Variants in NRXN1 observed in about 807,000 individuals in gnomAD.
NRXN1 encodes the protein neurexin-1.
NRXN1 carries 39 observed loss-of-function variants against 150.9 expected under a neutral mutation model. The ratio of observed to expected loss-of-function variants is 0.26; its 90% CI spans 0.20 to 0.34. NRXN1 has a LOEUF of 0.34. Ranked by LOEUF, NRXN1 falls within the 10% of genes least tolerant of loss-of-function variation. The probability of loss-of-function intolerance (pLI) is 1.00; values close to 1 mark genes in which losing one functional copy is unlikely to be tolerated. For synonymous variants in NRXN1, 924 were observed against 757.0 expected, an observed-to-expected ratio of 1.22 and a Z score of -3.62; for missense variants, 1,815 against 1,949.9, an observed-to-expected ratio of 0.93 and a Z score of 1.30.
chr2:50,985,982 T>G (rs1575132454), intron 2 of NRXN1, among the ~76,000 whole-genome samples: 1 of 151,444 alleles, frequency 6.6e-6, no homozygotes, highest in African/African-American at 2.4e-5. Context: ...ACAGAGAAAT[T>G]ACAGAGAAAA....
chr2:50,845,849 A>G (rs925337179), intron 5 of NRXN1, among the ~76,000 whole-genome samples: 3 of 152,074 alleles, frequency 2.0e-5, no homozygotes, highest in Admixed American at 1.3e-4. Flanking sequence ...GAATTTTTAT[A>G]TTTTCTGAGG....
intron 5 of NRXN1, among the ~76,000 whole-genome samples, chr2:50,888,955 G>T (rs544656963): frequency 2.6e-5 from 4 of 151,648 alleles, no homozygotes; most frequent in African/African-American, 9.6e-5. Flanking sequence ...AAATATCCTT[G>T]TTGTTTGGAA....
chr2:50,370,564 C>A (rs77746457), intron 17 of NRXN1, among the ~76,000 whole-genome samples: 5,041 of 151,984 alleles, frequency 0.033, 216 homozygotes, highest in East Asian at 0.12. Context: ...CTAGTAAATA[C>A]CTTGAGGGTT....
intron 2 of NRXN1, among the ~76,000 whole-genome samples, chr2:50,988,801 G>C (rs982751154): frequency 2.6e-5 from 4 of 151,856 alleles, no homozygotes; most frequent in African/African-American, 7.2e-5. Context: ...AGCTGTATGA[G>C]GGTGCCTAAA....
At chr2:50,109,707 T>C (rs1702127324) in intron 18 of NRXN1, among the ~76,000 whole-genome samples, 1 of 152,184 alleles carries the variant, frequency 6.6e-6, no homozygotes, top group African/African-American at 2.4e-5. Context: ...AATACCCTAT[T>C]TTCACAGCTG....
intron 17 of NRXN1, among the ~76,000 whole-genome samples, chr2:50,300,166 G>A (rs1316075734): frequency 1.3e-5 from 2 of 152,130 alleles, no homozygotes; most frequent in Non-Finnish European, 2.9e-5. Flanking sequence ...ACCAGGAAAA[G>A]GTAATAATAC....
chr2:50,906,705 T>C (rs1683731718), intron 5 of NRXN1, among the ~76,000 whole-genome samples: 1 of 152,126 alleles, frequency 6.6e-6, no homozygotes, highest in South Asian at 2.1e-4. Flanking sequence ...TAATACTCAA[T>C]TGCTTGCAAC....
intron 21 of NRXN1, among the ~76,000 whole-genome samples, chr2:49,959,332 T>C (rs1675510630): frequency 6.6e-6 from 1 of 152,196 alleles, no homozygotes; most frequent in East Asian, 1.9e-4. Context: ...AACTCGAAGG[T>C]ACACTGGTTT....
At chr2:50,517,225 G>A (rs2092656288) in intron 12 of NRXN1, among the ~76,000 whole-genome samples, 1 of 152,094 alleles carries the variant, frequency 6.6e-6, no homozygotes, top group East Asian at 1.9e-4. Context: ...ACCATAATCT[G>A]ATTTATGGTA....
At chr2:50,803,938 T>C (rs1204644633) in intron 5 of NRXN1, among the ~76,000 whole-genome samples, 1 of 152,220 alleles carries the variant, frequency 6.6e-6, no homozygotes, top group Non-Finnish European at 1.5e-5. Flanking sequence ...TATACCTGTA[T>C]CACTCTCATA....
At chr2:50,106,412 A>T (rs1410421496) in intron 18 of NRXN1, among the ~76,000 whole-genome samples, 1 of 152,066 alleles carries the variant, frequency 6.6e-6, no homozygotes, top group Non-Finnish European at 1.5e-5. Flanking sequence ...TAATCAAAGA[A>T]TATGCTTTGA....
chr2:50,683,631 C>CAAAAAAAAAA lies in NRXN1; in HGVS notation c.833-60026_833-60017dup, dbSNP rs745831100. Among the ~76,000 whole-genome samples, 10 of 8,514 alleles carry CAAAAAAAAAA rather than the reference C, an allele frequency of 1.2e-3. 1 individual carries two copies. The highest frequency in any genetic ancestry group is 2.1e-3 in the African/African-American group (2 of 932). 5.6% of individuals were successfully genotyped at this position (8,514 alleles called of 152,430 possible). ...TGGGTGACAGAGCAAGACTCCGTCT[C>CAAAAAAAAAA]AAAAAAAAAAAAAAAATATATATAT... is the stretch of plus-strand genomic sequence containing the variant. On this transcript the variant is annotated intron_variant, in intron 5 of 22. Transcript: ENST00000401669.
At chr2:50,803,160 T>G (rs1707847597) in intron 5 of NRXN1, among the ~76,000 whole-genome samples, 1 of 152,206 alleles carries the variant, frequency 6.6e-6, no homozygotes, top group Non-Finnish European at 1.5e-5. Context: ...AAAATCTGCC[T>G]AGCACTCATT....
intron 18 of NRXN1, among the ~76,000 whole-genome samples, chr2:50,181,405 C>T (rs1301953353): frequency 6.6e-6 from 1 of 152,036 alleles, no homozygotes; most frequent in Non-Finnish European, 1.5e-5. Flanking sequence ...GGTTCAGAAC[C>T]ATGGATAGCA....
At chr2:50,707,230 C>A (rs544049314) in intron 5 of NRXN1, among the ~76,000 whole-genome samples, 2 of 152,236 alleles carry the variant, frequency 1.3e-5, no homozygotes, top group South Asian at 4.1e-4. Context: ...AAGTGATGAC[C>A]ATCCTGTGGA....
At chr2:50,723,935 T>C (rs1450828005) in intron 5 of NRXN1, among the ~76,000 whole-genome samples, 1 of 152,170 alleles carries the variant, frequency 6.6e-6, no homozygotes. Context: ...AATTCAACAC[T>C]AAAGCAAAAA....
chr2:50,160,598 A>G (rs1366304949), intron 18 of NRXN1, among the ~76,000 whole-genome samples: 1 of 152,134 alleles, frequency 6.6e-6, no homozygotes, highest in Non-Finnish European at 1.5e-5. Flanking sequence ...CTGTTACAGA[A>G]AAATTTATAA....
intron 5 of NRXN1, among the ~76,000 whole-genome samples, chr2:50,852,445 T>C (rs1391333513): frequency 6.6e-6 from 1 of 152,184 alleles, no homozygotes; most frequent in African/African-American, 2.4e-5. Flanking sequence ...TTTTTTAAAG[T>C]TTAAAATATG....
chr2:50,388,398 G>A (rs1039849468), intron 17 of NRXN1, among the ~76,000 whole-genome samples: 8 of 152,030 alleles, frequency 5.3e-5, no homozygotes, highest in African/African-American at 1.2e-4. Context: ...ATTCTGTGGA[G>A]GACTTGCCTT....
Sources: gnomAD v4.1 joint callset for allele counts (sites outside exome capture counted in the v4.1 genomes callset) on GRCh38, gnomAD v4.1.1 for gene constraint, MANE v1.5 for transcripts, NCBI Gene and HGNC (gene_info 2026-07-23, HGNC 2026-07-21) for gene names.